Variants in GRIN2A observed in about 807,000 individuals in gnomAD.
The protein encoded by GRIN2A is glutamate receptor ionotropic, NMDA 2A.
Under a neutral mutation model 113.4 loss-of-function variants are expected in GRIN2A, and 22 were observed. The ratio of observed to expected loss-of-function variants is 0.19; its 90% CI spans 0.14 to 0.28. The LOEUF is 0.28. Ranked by LOEUF, GRIN2A falls within the 10% of genes least tolerant of loss-of-function variation. GRIN2A has a pLI of 1.00. For synonymous variants in GRIN2A, 827 were observed against 738.4 expected (o/e 1.12, Z -1.94); for missense variants, 1,502 against 1,887.0 (o/e 0.80, Z 3.78).
At chr16:9,995,957 G>C (rs2046214355) in intron 2 of GRIN2A, among the ~76,000 whole-genome samples, 1 of 125,190 alleles carries the variant, frequency 8.0e-6, no homozygotes, top group African/African-American at 3.1e-5. Context: ...AGTGAGCAAA[G>C]AGGTAAAACA....
Position 9,938,123 on chromosome 16 carries a change from G to A in GRIN2A, c.843C>T (p.Tyr281=), listed in dbSNP as rs554338361. ...EFPSGLISVS[Y]DDWDYSLEAR... ...CCTCCAGGCTGTAGTCCCAGTCATC[G>A]TAGGAGACAGAAATGAGTCCCGATG... Residue 281 remains tyrosine, a synonymous_variant, in exon 3 of 13, where the codon TAC becomes TAT. Coordinates refer to ENST00000330684, the MANE Select transcript of GRIN2A (RefSeq NM_001134407.3). 5.0e-6 allele frequency: 8 copies of A among 1,614,082 alleles called. No individual in the cohort carries two copies. Among genetic ancestry groups the A allele is most frequent in the Middle Eastern group, 1.6e-4 (1 of 6,062 alleles).
chr16:10,175,214 G>A (rs1449117566), intron 2 of GRIN2A, among the ~76,000 whole-genome samples: 1 of 152,150 alleles, frequency 6.6e-6, no homozygotes, highest in African/African-American at 2.4e-5. Context: ...ATCACCTAAC[G>A]ATCCATTTCT....
chr16:10,120,874 C>T (rs1355066405), intron 2 of GRIN2A, among the ~76,000 whole-genome samples: 1 of 152,114 alleles, frequency 6.6e-6, no homozygotes, highest in Non-Finnish European at 1.5e-5. Flanking sequence ...CACTCCCCTC[C>T]AGTCATCCCC....
In GRIN2A at chr16:9,887,196, G is replaced by GT. The variant is rs200612227; in HGVS notation, c.1122+3789dup. 3.0e-3 allele frequency among the ~76,000 whole-genome samples: 454 copies of GT among 151,550 alleles called. 2 individuals are homozygous for GT. The highest frequency in any genetic ancestry group is 6.8e-3 in the Middle Eastern group (2 of 294). ...GCCACCAAGCCCGGCCCGGATTTAGGTTTTTTTTTAAACTAAGCACAATGA... is the reference window on the plus strand; with the variant it reads ...GCCACCAAGCCCGGCCCGGATTTAGGTTTTTTTTTTAAACTAAGCACAATGA... On this transcript the variant is annotated intron_variant, in intron 4 of 12. Transcript: ENST00000330684.
At chr16:10,056,224 C>T (rs138697267) in intron 2 of GRIN2A, among the ~76,000 whole-genome samples, 1 of 152,302 alleles carries the variant, frequency 6.6e-6, no homozygotes, top group East Asian at 1.9e-4. Flanking sequence ...AATTGATTCA[C>T]CCATACATAT....
At chr16:10,073,919 A>AT (rs2050497904) in intron 2 of GRIN2A, among the ~76,000 whole-genome samples, 7 of 72,040 alleles carry the variant, frequency 9.7e-5, no homozygotes, top group African/African-American at 2.7e-4. Context: ...GACCCCCGTC[A>AT]CAAAAAAAAA....
intron 2 of GRIN2A, among the ~76,000 whole-genome samples, chr16:10,128,370 T>C (rs962886526): frequency 6.6e-6 from 1 of 152,222 alleles, no homozygotes; most frequent in Non-Finnish European, 1.5e-5. Flanking sequence ...GATCGTTTTA[T>C]GAACTGTACC....
At chr16:10,045,627 A>G (rs1470614497) in intron 2 of GRIN2A, among the ~76,000 whole-genome samples, 1 of 152,228 alleles carries the variant, frequency 6.6e-6, no homozygotes. Context: ...CCAATGGCCC[A>G]TTCTGGCCAT....
intron 3 of GRIN2A, among the ~76,000 whole-genome samples, chr16:9,924,579 G>A (rs2044420876): frequency 6.6e-6 from 1 of 152,062 alleles, no homozygotes; most frequent in South Asian, 2.1e-4. Flanking sequence ...TTTGAACTGA[G>A]GGTTTATAGT....
intron 11 of GRIN2A, among the ~76,000 whole-genome samples, chr16:9,796,605 T>C (rs1206284336): frequency 1.3e-5 from 2 of 152,240 alleles, no homozygotes; most frequent in Non-Finnish European, 1.5e-5. Flanking sequence ...GAAATGTGCA[T>C]GTGCAGCTAG....
At chr16:9,982,686 T>A (rs2045913602) in intron 2 of GRIN2A, among the ~76,000 whole-genome samples, 1 of 152,236 alleles carries the variant, frequency 6.6e-6, no homozygotes, top group African/African-American at 2.4e-5. Context: ...GTATCTTCAT[T>A]GATGCCCAAG....
chr16:9,806,646 A>G (rs1031559480), intron 10 of GRIN2A, among the ~76,000 whole-genome samples: 2 of 152,106 alleles, frequency 1.3e-5, no homozygotes, highest in African/African-American at 4.8e-5. Flanking sequence ...AGACAGAAAG[A>G]GAGAAAAACG....
chr16:9,960,826 A>G (rs1204693943), intron 2 of GRIN2A, among the ~76,000 whole-genome samples: 2 of 152,116 alleles, frequency 1.3e-5, no homozygotes, highest in Non-Finnish European at 2.9e-5. Context: ...GGTTTTGCCA[A>G]TGTCGTCCAG....
chr16:9,975,557 C>T (rs951809107), intron 2 of GRIN2A, among the ~76,000 whole-genome samples: 5 of 152,154 alleles, frequency 3.3e-5, no homozygotes, highest in African/African-American at 7.2e-5. Flanking sequence ...CACAACTCTT[C>T]GGTTTGTGAA....
At chr16:9,833,914 T>C (rs2042542001) in intron 8 of GRIN2A, among the ~76,000 whole-genome samples, 191 bp downstream of exon 8, 2 of 152,176 alleles carry the variant, frequency 1.3e-5, no homozygotes, top group African/African-American at 4.8e-5. Context: ...GAGATGGGTT[T>C]CACCATATTG....
At chr16:9,868,313 G>A (rs2043196344) in intron 4 of GRIN2A, among the ~76,000 whole-genome samples, 1 of 151,926 alleles carries the variant, frequency 6.6e-6, no homozygotes, top group Non-Finnish European at 1.5e-5. Flanking sequence ...TGTCTCCCAC[G>A]CTGGATGCAG....
chr16:9,910,741 T>C (rs759359124), intron 3 of GRIN2A, among the ~76,000 whole-genome samples: 1 of 152,132 alleles, frequency 6.6e-6, no homozygotes, highest in Non-Finnish European at 1.5e-5. Flanking sequence ...TTTCACCATG[T>C]TGGCCAGTCT....
chr16:9,846,427 T>C (rs543510246), intron 5 of GRIN2A, among the ~76,000 whole-genome samples: 18 of 152,198 alleles, frequency 1.2e-4, no homozygotes, highest in Non-Finnish European at 2.1e-4. Flanking sequence ...TCACAATACA[T>C]TTAGCAATCA....
chr16:10,100,516 C>G (rs779512603), intron 2 of GRIN2A, among the ~76,000 whole-genome samples: 7 of 152,190 alleles, frequency 4.6e-5, no homozygotes, highest in Non-Finnish European at 1.0e-4. Flanking sequence ...AATAAGCCCA[C>G]TCACCTCCCA....
Sources: gnomAD v4.1 joint callset for allele counts (sites outside exome capture counted in the v4.1 genomes callset) on GRCh38, gnomAD v4.1.1 for gene constraint, MANE v1.5 for transcripts, NCBI Gene and HGNC (gene_info 2026-07-23, HGNC 2026-07-21) for gene names.